SEZ6L: variants seen among roughly 807,000 people sequenced by gnomAD.
SEZ6L encodes the protein seizure 6-like protein.
A neutral mutation model predicts 106.2 loss-of-function variants in SEZ6L; 37 were observed. The ratio of observed to expected loss-of-function variants is 0.35; its 90% CI spans 0.27 to 0.46. SEZ6L has a LOEUF of 0.46. Ranked by LOEUF, SEZ6L falls within the 20% of genes least tolerant of loss-of-function variation. The pLI is 1.00. For synonymous variants in SEZ6L, 541 were observed against 570.4 expected (o/e 0.95, Z 0.73); for missense variants, 1,172 against 1,332.8 (o/e 0.88, Z 1.88).
intron 1 of SEZ6L, among the ~76,000 whole-genome samples, chr22:26,266,020 G>T (rs1464291562): frequency 6.6e-6 from 1 of 152,186 alleles, no homozygotes; most frequent in African/African-American, 2.4e-5. Context: ...CTGCCTCGCT[G>T]CCATCATGGA....
intron 1 of SEZ6L, among the ~76,000 whole-genome samples, chr22:26,222,251 G>A (rs992320213): frequency 2.6e-5 from 4 of 152,208 alleles, no homozygotes; most frequent in Non-Finnish European, 5.9e-5. Context: ...CAGGAACTTA[G>A]AGTGCAGCAC....
At chr22:26,377,855 T>C (rs2146089651) in intron 16 of SEZ6L, 80 bp downstream of exon 16, 2 of 1,099,256 alleles carry the variant, frequency 1.8e-6, no homozygotes, top group Middle Eastern at 4.0e-4. Context: ...AAACATTTCA[T>C]TTCCTATTGC....
intron 1 of SEZ6L, among the ~76,000 whole-genome samples, chr22:26,173,853 T>G (rs901672349): frequency 6.6e-6 from 1 of 152,212 alleles, no homozygotes; most frequent in Non-Finnish European, 1.5e-5. Flanking sequence ...TCTCCTCATC[T>G]TAGAAATGAA....
At chr22:26,319,589 G>A (rs1378398727) in intron 9 of SEZ6L, among the ~76,000 whole-genome samples, 1 of 152,094 alleles carries the variant, frequency 6.6e-6, no homozygotes, top group Non-Finnish European at 1.5e-5. Flanking sequence ...CTGCCATTGG[G>A]ATGCTCTGCC....
At chr22:26,170,419 T>A (rs906953517) in intron 1 of SEZ6L, among the ~76,000 whole-genome samples, 3 of 152,112 alleles carry the variant, frequency 2.0e-5, no homozygotes, top group African/African-American at 7.2e-5. Flanking sequence ...GTTGGGAACC[T>A]GAACGGGCTC....
At chr22:26,301,927 G>A (rs770520807) in intron 5 of SEZ6L, among the ~76,000 whole-genome samples, 1 of 152,224 alleles carries the variant, frequency 6.6e-6, no homozygotes, top group Non-Finnish European at 1.5e-5. Context: ...GAGAAGACAG[G>A]TGGACTAGGT....
chr22:26,300,493 T>C (rs1339377360), intron 5 of SEZ6L, among the ~76,000 whole-genome samples: 1 of 152,266 alleles, frequency 6.6e-6, no homozygotes, highest in Admixed American at 6.5e-5. Context: ...CTCATCATTT[T>C]TTATGGCTGC....
intron 9 of SEZ6L, among the ~76,000 whole-genome samples, chr22:26,325,015 G>A (rs1018309085): frequency 2.0e-5 from 3 of 152,162 alleles, no homozygotes; most frequent in Non-Finnish European, 2.9e-5. Flanking sequence ...GTTGGCTGTC[G>A]TGGTCTAGGT....
chr22:26,202,014 C>T (rs368130631), intron 1 of SEZ6L, among the ~76,000 whole-genome samples: 12 of 152,048 alleles, frequency 7.9e-5, no homozygotes, highest in African/African-American at 2.4e-4. Flanking sequence ...CCCAGGTTCA[C>T]GCCATTCTCC....
At chr22:26,344,392 T>C (rs984819535) in intron 10 of SEZ6L, among the ~76,000 whole-genome samples, 3 of 152,210 alleles carry the variant, frequency 2.0e-5, no homozygotes, top group Non-Finnish European at 4.4e-5. Flanking sequence ...ACGTTGGTTA[T>C]TTGTCGTGTG....
intron 8 of SEZ6L, among the ~76,000 whole-genome samples, chr22:26,312,758 C>T (rs548892165): frequency 2.6e-5 from 4 of 152,280 alleles, no homozygotes; most frequent in South Asian, 2.1e-4. Flanking sequence ...TTAGTAGAAA[C>T]GGGGTTTCAC....
At chr22:26,296,382 A>G (rs775771646) in intron 3 of SEZ6L, among the ~76,000 whole-genome samples, 12 of 152,248 alleles carry the variant, frequency 7.9e-5, no homozygotes, top group Non-Finnish European at 1.6e-4. Flanking sequence ...TCTTTTTTAA[A>G]TATTTTCTGA....
intron 1 of SEZ6L, among the ~76,000 whole-genome samples, chr22:26,192,808 C>T (rs1367729582): frequency 6.6e-6 from 1 of 152,138 alleles, no homozygotes; most frequent in Non-Finnish European, 1.5e-5. Context: ...ACAGATTATG[C>T]AAAAGGCCTA....
Position 26,351,067 on chromosome 22 carries a change from A to G in SEZ6L, c.2423A>G (p.Asp808Gly), listed in dbSNP as rs1462400623. 1 of 1,613,786 alleles carries G rather than the reference A, an allele frequency of 6.2e-7. No individual in the cohort carries two copies. The highest frequency in any genetic ancestry group is 8.5e-7 in the Non-Finnish European group (1 of 1,179,974). Residue 808 changes from aspartate to glycine, a missense_variant, in exon 12 of 17, where the codon GAC becomes GGC. This residue lies in a region of SEZ6L where 534 missense variants were observed against 691.0 expected (regional missense o/e 0.77). Coordinates refer to ENST00000248933, the MANE Select transcript of SEZ6L (RefSeq NM_021115.5). ...PFCEKIMYCT[D>G]PGEVDHSTRL... The stretch of plus-strand genomic sequence containing the variant: ...TCCCGTGTAGTTATGTACTGCACCG[A>G]CCCCGGAGAGGTGGATCACTCGACC...
At chr22:26,292,325 G>A (rs1569447581) in intron 1 of SEZ6L, 81 bp from the exon 2 acceptor site, 4 of 1,173,424 alleles carry the variant, frequency 3.4e-6, no homozygotes, top group Non-Finnish European at 4.8e-6. Flanking sequence ...CCGCCCTTAG[G>A]AGGGCCACCC....
At chr22:26,308,724 A>G (rs1341024984) in intron 6 of SEZ6L, among the ~76,000 whole-genome samples, 1 of 152,192 alleles carries the variant, frequency 6.6e-6, no homozygotes, top group Non-Finnish European at 1.5e-5. Flanking sequence ...TTGACCATAG[A>G]CTATTAAGAA....
chr22:26,173,671 G>A (rs1938777566), intron 1 of SEZ6L, among the ~76,000 whole-genome samples: 1 of 152,170 alleles, frequency 6.6e-6, no homozygotes, highest in Non-Finnish European at 1.5e-5. Context: ...CTTAGATAGG[G>A]TGGCTTAAAC....
chr22:26,313,591 C>T (rs901974147), intron 8 of SEZ6L, among the ~76,000 whole-genome samples, 173 bp from the exon 9 acceptor site: 1 of 78,572 alleles, frequency 1.3e-5, no homozygotes, highest in African/African-American at 7.3e-5. Flanking sequence ...CACACACACA[C>T]ACACACACAC....
chr22:26,173,532 G>A (rs546051270), intron 1 of SEZ6L, among the ~76,000 whole-genome samples: 1 of 152,292 alleles, frequency 6.6e-6, no homozygotes, highest in South Asian at 2.1e-4. Flanking sequence ...CAGGAGAGCA[G>A]GTTAATGGTT....
Sources: gnomAD v4.1 joint callset for allele counts (sites outside exome capture counted in the v4.1 genomes callset) on GRCh38, gnomAD v4.1.1 for gene constraint, gnomAD v4.1.1 regional missense constraint, MANE v1.5 for transcripts, NCBI Gene and HGNC (gene_info 2026-07-23, HGNC 2026-07-21) for gene names.